Variants in RBPMS observed in about 807,000 individuals in gnomAD.
RBPMS encodes the protein RNA-binding protein with multiple splicing.
Under a neutral mutation model 26.8 loss-of-function variants are expected in RBPMS, and 7 were observed. The ratio of observed to expected loss-of-function variants is 0.26; its 90% CI spans 0.15 to 0.49. The LOEUF (loss-of-function observed/expected upper bound fraction) is 0.49, where lower values mean the gene tolerates loss of function less well. RBPMS is among the 20% of genes least tolerant of loss of function. The pLI, the probability that RBPMS is intolerant of heterozygous loss-of-function variation, is 0.98. For missense variants in RBPMS, 186 were observed against 250.0 expected (o/e 0.74, Z 1.73); for synonymous variants, 96 against 93.3 (o/e 1.03, Z -0.17).
chr8:30,466,191 G>A (rs1019983066), intron 1 of RBPMS, among the ~76,000 whole-genome samples: 5 of 152,090 alleles, frequency 3.3e-5, no homozygotes, highest in South Asian at 2.1e-4. Context: ...AGGGAGTCAC[G>A]TACTCTGGAT....
At chr8:30,497,213 A>G (rs903886951) in intron 4 of RBPMS, among the ~76,000 whole-genome samples, 2 of 152,206 alleles carry the variant, frequency 1.3e-5, no homozygotes, top group Non-Finnish European at 2.9e-5. Context: ...TGTGGTCCCC[A>G]GGATATTTCC....
chr8:30,542,122 CT>C (rs1403776972), intron 5 of RBPMS, among the ~76,000 whole-genome samples: 1 of 152,180 alleles, frequency 6.6e-6, no homozygotes, highest in Non-Finnish European at 1.5e-5. Flanking sequence ...ACCTTTATCT[CT>C]TTTAGGCTTC....
chr8:30,457,820 C>T (rs1815406914), intron 1 of RBPMS, among the ~76,000 whole-genome samples: 1 of 152,148 alleles, frequency 6.6e-6, no homozygotes, highest in Admixed American at 6.5e-5. Flanking sequence ...TCGTGATCTG[C>T]CCACCTCAGC....
intron 5 of RBPMS, among the ~76,000 whole-genome samples, chr8:30,532,850 G>C (rs1824379340): frequency 6.6e-6 from 1 of 151,976 alleles, no homozygotes; most frequent in Non-Finnish European, 1.5e-5. Flanking sequence ...ATGGTTTCTA[G>C]TACATTCCGC....
intron 1 of RBPMS, among the ~76,000 whole-genome samples, chr8:30,430,908 C>T (rs1415066328): frequency 6.6e-6 from 1 of 152,084 alleles, no homozygotes; most frequent in Non-Finnish European, 1.5e-5. Context: ...AATTTAAAGA[C>T]GAATAAAACA....
At chr8:30,460,790 C>T (rs987140490) in intron 1 of RBPMS, among the ~76,000 whole-genome samples, 1 of 152,124 alleles carries the variant, frequency 6.6e-6, no homozygotes, top group Non-Finnish European at 1.5e-5. Context: ...GGTGTGGTGG[C>T]TCACGCCTGT....
chr8:30,540,743 T>TA (rs1360700802), intron 5 of RBPMS, among the ~76,000 whole-genome samples: 11 of 152,208 alleles, frequency 7.2e-5, no homozygotes, highest in African/African-American at 2.7e-4. Flanking sequence ...TGTGTATTTT[T>TA]AAAGTTGTCT....
intron 1 of RBPMS, among the ~76,000 whole-genome samples, chr8:30,444,011 C>T: frequency 6.6e-6 from 1 of 152,150 alleles, no homozygotes; most frequent in Non-Finnish European, 1.5e-5. Context: ...ATTCTCTTGC[C>T]TCGGCCTCCT....
chr8:30,432,916 A>G (rs1812086046), intron 1 of RBPMS, among the ~76,000 whole-genome samples: 1 of 152,246 alleles, frequency 6.6e-6, no homozygotes, highest in African/African-American at 2.4e-5. Context: ...CTGTTGATCC[A>G]AGAAAAATCA....
At position 30,424,324 on chromosome 8, in the gene RBPMS, G is replaced by A. The variant is rs185000765; in HGVS notation, c.66+39166G>A. ...AAATCCACAACATAGAGTTGCATAT[G>A]GATGGTAGCGATAATTATAGATCAT... On this transcript the variant is annotated intron_variant, in intron 1 of 8. Coordinates refer to ENST00000397323, the MANE Select transcript of RBPMS (RefSeq NM_001008710.3). Among the ~76,000 whole-genome samples the A allele has an allele frequency of 6.4e-3, 977 of 152,308 alleles. 8 individuals carry two copies. The highest frequency in any genetic ancestry group is 0.022 in the African/African-American group (923 of 41,560).
At chr8:30,548,255 C>T (rs1271600894) in intron 6 of RBPMS, among the ~76,000 whole-genome samples, 3 of 152,234 alleles carry the variant, frequency 2.0e-5, no homozygotes, top group South Asian at 4.1e-4. Context: ...TGTCACCTCA[C>T]ATTCACACAC....
intron 5 of RBPMS, among the ~76,000 whole-genome samples, chr8:30,543,979 A>T (rs1825646239): frequency 6.6e-6 from 1 of 152,234 alleles, no homozygotes; most frequent in Middle Eastern, 3.2e-3. Flanking sequence ...TCTGAGGGCT[A>T]CGTGGAAAAT....
At chr8:30,439,000 C>G (rs372423145) in intron 1 of RBPMS, among the ~76,000 whole-genome samples, 5 of 152,298 alleles carry the variant, frequency 3.3e-5, no homozygotes, top group African/African-American at 1.2e-4. Context: ...TAGTCTCAAA[C>G]TCCTGACCTC....
intron 6 of RBPMS, chr8:30,545,350 A>G (rs1378609122): frequency 2.6e-6 from 3 of 1,146,844 alleles, no homozygotes; most frequent in East Asian, 6.7e-5. Context: ...TGGAGAAAAT[A>G]TTTCTCTTAG....
intron 1 of RBPMS, among the ~76,000 whole-genome samples, chr8:30,464,541 A>T (rs1816286916): frequency 6.6e-6 from 1 of 152,336 alleles, no homozygotes; most frequent in East Asian, 1.9e-4. Flanking sequence ...GAGTTTGTCT[A>T]CTGCTAATAT....
chr8:30,530,914 C>CT (rs1824151867), intron 5 of RBPMS, among the ~76,000 whole-genome samples: 1 of 152,090 alleles, frequency 6.6e-6, no homozygotes, highest in African/African-American at 2.4e-5. Context: ...GACTTCAAAC[C>CT]TAGATCTACC....
chr8:30,518,715 T>TTTTTTTTTTC (rs1554533805), intron 5 of RBPMS, among the ~76,000 whole-genome samples: 3 of 129,924 alleles, frequency 2.3e-5, no homozygotes, highest in African/African-American at 3.2e-5. Flanking sequence ...TTTTTTTTTT[T>TTTTTTTTTTC]CTGAAAAGGA....
intron 6 of RBPMS, among the ~76,000 whole-genome samples, chr8:30,550,169 C>T (rs1826241227): frequency 6.6e-6 from 1 of 152,182 alleles, no homozygotes; most frequent in Non-Finnish European, 1.5e-5. Context: ...TGATGCAGGG[C>T]CTGTGCTCTG....
chr8:30,502,982 C>T (rs1820715043), intron 4 of RBPMS, among the ~76,000 whole-genome samples: 1 of 152,142 alleles, frequency 6.6e-6, no homozygotes. Context: ...GTATTCTCCA[C>T]ATCCCTTTTG....
Sources: gnomAD v4.1 joint callset for allele counts (sites outside exome capture counted in the v4.1 genomes callset) on GRCh38, gnomAD v4.1.1 for gene constraint, MANE v1.5 for transcripts, NCBI Gene and HGNC (gene_info 2026-07-23, HGNC 2026-07-21) for gene names.